The following AP3B2 variants were observed in gnomAD, a reference collection of about 807,000 sequenced individuals.
The protein encoded by AP3B2 is AP-3 complex subunit beta-2.
In AP3B2, 50 loss-of-function variants were observed where a neutral mutation model predicts 126.9. The ratio of observed to expected loss-of-function variants is 0.39; its 90% CI spans 0.31 to 0.50. The LOEUF is 0.50. AP3B2 is among the 20% of genes least tolerant of loss of function. The probability of loss-of-function intolerance (pLI) is 0.79; values close to 1 mark genes in which losing one functional copy is unlikely to be tolerated. For synonymous variants in AP3B2, 541 were observed against 565.0 expected (o/e 0.96, Z 0.60); for missense variants, 1,177 against 1,426.4 (o/e 0.83, Z 2.82).
At position 82,681,717 on chromosome 15, in the gene AP3B2, G is replaced by T; in HGVS notation, c.361-137C>A. 1 of 978,890 alleles carries T rather than the reference G, an allele frequency of 1.0e-6. No individual in the cohort carries two copies. Among genetic ancestry groups the T allele is most frequent in the Non-Finnish European group, 1.5e-6 (1 of 677,094 alleles). 60.6% of individuals were successfully genotyped at this position (978,890 alleles called of 1,614,324 possible). On this transcript the variant is annotated intron_variant, in intron 4 of 26. Coordinates refer to ENST00000535359, the MANE Select transcript of AP3B2 (RefSeq NM_001278512.2). This position sits in a 1 kb window ranked among gnomAD's most constrained non-coding sequence, Gnocchi z 4.0. Reference sequence around the variant, plus strand: ...GCCGCTTGACTGGAGCCTGGATGGTGTGCCAGTGATGGGTATCTGGGGGAC... The same window carrying T: ...GCCGCTTGACTGGAGCCTGGATGGTTTGCCAGTGATGGGTATCTGGGGGAC...
Position 82,680,079 on chromosome 15 carries a change from C to T in AP3B2, c.1110+96G>A. ...CACAGCCAGGGTATTCCTCCATCTT[C>T]CCTTTCCCCGGCCCCGGTCCCAGCC... is the stretch of plus-strand genomic sequence containing the variant. On this transcript the variant is annotated intron_variant, in intron 9 of 26. Transcript: ENST00000535359. The surrounding 1 kb of genome is among the most constrained non-coding windows in gnomAD (Gnocchi z 6.1). 1.3e-6 allele frequency: 2 copies of T among 1,518,908 alleles called. No individual in the cohort carries two copies. Among genetic ancestry groups the T allele is most frequent in the Non-Finnish European group, 1.8e-6 (2 of 1,115,002 alleles). 94.1% of individuals were successfully genotyped at this position (1,518,908 alleles called of 1,614,324 possible).
At chr15:82,672,897 C>A (rs1347542636) in intron 14 of AP3B2, among the ~76,000 whole-genome samples, 1 of 152,180 alleles carries the variant, frequency 6.6e-6, no homozygotes, top group Non-Finnish European at 1.5e-5. Context: ...CAAGGGCAGC[C>A]CCCAGCTGAC....
At position 82,680,608 on chromosome 15, in the gene AP3B2, G is replaced by C. The variant is rs2048321502; in HGVS notation, c.919C>G (p.Arg307Gly). The change falls in exon 8 of 27, where the codon CGC becomes GGC. Residue 307 changes from arginine (R) to glycine (G), a missense_variant. Coordinates refer to ENST00000535359, the MANE Select transcript of AP3B2 (RefSeq NM_001278512.2). The surrounding 1 kb of genome is among the most constrained non-coding windows in gnomAD (Gnocchi z 6.1). ...CTCTGCAGCAGGGGTTTGGTGTTGCGCAGCAGCAGCCGGTGGTCGGGGTCC... is the reference window on the plus strand; with the variant it reads ...CTCTGCAGCAGGGGTTTGGTGTTGCCCAGCAGCAGCCGGTGGTCGGGGTCC... Reference protein sequence around the residue: ...VMDPDHRLLLRNTKPLLQSRS... With the variant: ...VMDPDHRLLLGNTKPLLQSRS... 1 of 1,595,336 alleles carries C rather than the reference G, an allele frequency of 6.3e-7. No homozygotes were observed.
At chr15:82,708,275 A>G (rs2048827536) in intron 1 of AP3B2, among the ~76,000 whole-genome samples, 1 of 149,476 alleles carries the variant, frequency 6.7e-6, no homozygotes, top group Non-Finnish European at 1.5e-5. Context: ...CAAATCCTGT[A>G]AAACGGTCCC....
intron 1 of AP3B2, among the ~76,000 whole-genome samples, chr15:82,700,623 T>A (rs907784860): frequency 2.6e-5 from 4 of 151,586 alleles, no homozygotes; most frequent in Non-Finnish European, 4.4e-5. Context: ...GGTCTCAAAC[T>A]CCCAACCTTA....
Position 82,662,245 on chromosome 15 carries a change from C to G in AP3B2, c.2841G>C (p.Leu947=), listed in dbSNP as rs548121266. The change falls in exon 24 of 27, where the codon CTG becomes CTC. Residue 947 remains leucine (L), a synonymous_variant. Coordinates refer to ENST00000535359, the MANE Select transcript of AP3B2 (RefSeq NM_001278512.2). The part of the protein sequence containing the change: ...SIQEFPEIES[L]APGESATAVM... ...CAGCAGTGGCAGATTCTCCAGGTGC[C>G]AGGGACTCTGAAGTGGTATAAGGCA... 6.3e-7 allele frequency: 1 copy of G among 1,596,582 alleles called. No homozygotes were observed. The highest frequency in any genetic ancestry group is 2.3e-5 in the East Asian group (1 of 44,434).
At chr15:82,689,059 C>A in intron 3 of AP3B2, 99 bp downstream of exon 3, 1 of 1,367,018 alleles carries the variant, frequency 7.3e-7, no homozygotes, top group Non-Finnish European at 1.0e-6. Context: ...CTCAGCAGGT[C>A]GGGCCCCCAG....
chr15:82,695,628 C>T (rs2048619089), intron 1 of AP3B2, among the ~76,000 whole-genome samples: 1 of 152,084 alleles, frequency 6.6e-6, no homozygotes, highest in Non-Finnish European at 1.5e-5. Flanking sequence ...ATACCTCTCC[C>T]TATGCATCTC....
chr15:82,681,348 G>C lies in AP3B2; in HGVS notation c.521+72C>G, dbSNP rs1026916901. 3 of 1,586,448 alleles carry C rather than the reference G, an allele frequency of 1.9e-6. No individual in the cohort carries two copies. Among genetic ancestry groups the C allele is most frequent in the Non-Finnish European group, 1.7e-6 (2 of 1,164,234 alleles). ...TCTGAGAAGCAGCAGGCAAGACTTAGGAAAGGCCAGGGGTGGGTTGAGAAC... is the reference window on the plus strand; with the variant it reads ...TCTGAGAAGCAGCAGGCAAGACTTACGAAAGGCCAGGGGTGGGTTGAGAAC... On this transcript the variant is annotated intron_variant, in intron 5 of 26. Coordinates refer to ENST00000535359, the MANE Select transcript of AP3B2 (RefSeq NM_001278512.2). This position sits in a 1 kb window ranked among gnomAD's most constrained non-coding sequence, Gnocchi z 4.0.
At chr15:82,697,112 A>C (rs1477388021) in intron 1 of AP3B2, among the ~76,000 whole-genome samples, 1 of 152,196 alleles carries the variant, frequency 6.6e-6, no homozygotes. Context: ...CAGGCGGATC[A>C]CAAGGCCAGG....
chr15:82,676,471 T>G lies in AP3B2; in HGVS notation c.1655A>C (p.Asn552Thr). ...INLAAKLYLT[N>T]SKQTKLLTQY... ...TCTCTTAATCTTTACCTGTTTAGAGTTGGTCAGGTAGAGCTTGGCTGCCAG... is the reference window on the plus strand; with the variant it reads ...TCTCTTAATCTTTACCTGTTTAGAGGTGGTCAGGTAGAGCTTGGCTGCCAG... The change falls in exon 14 of 27, where the codon AAC (asparagine) becomes ACC (threonine). Residue 552 changes from asparagine (N) to threonine (T), a missense_variant. Asn to Thr is a moderately conservative substitution (Grantham distance 65). Around this residue, in one of 5 missense-constraint regions of AP3B2, gnomAD observed 308 missense variants for 452.4 expected, o/e 0.68. Coordinates refer to ENST00000535359, the MANE Select transcript of AP3B2 (RefSeq NM_001278512.2). 1.2e-6 allele frequency: 2 copies of G among 1,613,838 alleles called. No individual in the cohort carries two copies. The highest frequency in any genetic ancestry group is 1.7e-6 in the Non-Finnish European group (2 of 1,179,832).
rs907703904 is a variant in AP3B2, at chr15:82,662,267, G to A, written c.2834-15C>T. Reference sequence around the variant, plus strand: ...TGCCAGGGACTCTGAAGTGGTATAAGGCAGTGAAGGGGAGAGGGAGGGCCA... The same window carrying A: ...TGCCAGGGACTCTGAAGTGGTATAAAGCAGTGAAGGGGAGAGGGAGGGCCA... On this transcript the variant is annotated splice_polypyrimidine_tract_variant and intron_variant, in intron 23 of 26. Coordinates refer to ENST00000535359, the MANE Select transcript of AP3B2 (RefSeq NM_001278512.2). 1 of 1,576,038 alleles carries A rather than the reference G, an allele frequency of 6.3e-7. No individual in the cohort carries two copies. Among genetic ancestry groups the A allele is most frequent in the South Asian group, 1.2e-5 (1 of 86,216 alleles).
chr15:82,663,446 C>T, intron 21 of AP3B2, 114 bp downstream of exon 21: 1 of 1,243,590 alleles, frequency 8.0e-7, no homozygotes, highest in Non-Finnish European at 1.2e-6. Context: ...TATGTTCTGT[C>T]TGCTCCCCTG....
In AP3B2 at chr15:82,709,713, G is replaced by A; in HGVS notation, c.-7C>T. ...AGGCGGGGGCGGCCGACATGGGGCGGCCAGGGAGACTTCGCCGAGGAGGAG... is the reference window on the plus strand; with the variant it reads ...AGGCGGGGGCGGCCGACATGGGGCGACCAGGGAGACTTCGCCGAGGAGGAG... On this transcript the variant is annotated 5_prime_UTR_variant, in exon 1 of 27. Transcript: ENST00000535359. 2 of 1,472,554 alleles carry A rather than the reference G, an allele frequency of 1.4e-6. No individual in the cohort carries two copies. The highest frequency in any genetic ancestry group is 2.4e-4 in the Middle Eastern group (1 of 4,208). 91.2% of individuals were successfully genotyped at this position (1,472,554 alleles called of 1,614,324 possible).
intron 1 of AP3B2, 124 bp from the exon 2 acceptor site, chr15:82,689,577 G>A (rs1485689191): frequency 3.7e-6 from 3 of 800,056 alleles, no homozygotes; most frequent in African/African-American, 3.4e-5. Context: ...GACCCGAGGA[G>A]GGACCAGAGC....
chr15:82,671,536 AGAC>A (rs2048158804), intron 14 of AP3B2, among the ~76,000 whole-genome samples: 1 of 150,912 alleles, frequency 6.6e-6, no homozygotes, highest in African/African-American at 2.4e-5. Flanking sequence ...CAAGAGATCA[AGAC>A]CATCCTGGCC....
intron 4 of AP3B2, chr15:82,688,469 C>T (rs760437341): frequency 1.3e-4 from 93 of 702,336 alleles, no homozygotes; most frequent in Non-Finnish European, 1.1e-4. Flanking sequence ...TCAAGTGGTT[C>T]ATACTAGAAG....
intron 22 of AP3B2, 66 bp from the exon 23 acceptor site, chr15:82,662,988 C>A: frequency 6.5e-7 from 1 of 1,548,878 alleles, no homozygotes. Context: ...CAGCATTGTC[C>A]CCTAGGGCCA....
chr15:82,667,379 CAG>C lies in AP3B2; in HGVS notation c.1666-448_1666-447del, dbSNP rs146994908. ...ACAACAAAAAGACAGGGCAGATAAA[CAG>C]GGGTCCCTTTGGCAGGGGCCACCCT... is the stretch of plus-strand genomic sequence containing the variant. On this transcript the variant is annotated intron_variant, in intron 14 of 26. Transcript: ENST00000535359. Among the ~76,000 whole-genome samples the C allele has an allele frequency of 2.6e-3, 395 of 152,302 alleles. 3 individuals are homozygous for C. The highest frequency in any genetic ancestry group is 9.0e-3 in the African/African-American group (375 of 41,568).
Sources: allele counts gnomAD v4.1 joint callset (sites outside exome capture counted in the v4.1 genomes callset), GRCh38; gene constraint gnomAD v4.1.1; regional missense constraint gnomAD v4.1.1; non-coding constraint Gnocchi (gnomAD v3.1); transcripts MANE v1.5; gene names NCBI Gene and HGNC (gene_info 2026-07-23, HGNC 2026-07-21).